Variants in SLC17A6 observed in about 807,000 individuals in gnomAD.
SLC17A6 encodes the protein solute carrier family 17 member 6.
Under a neutral mutation model 67.1 loss-of-function variants are expected in SLC17A6, and 35 were observed. The ratio of observed to expected loss-of-function variants is 0.52; its 90% CI spans 0.40 to 0.69. SLC17A6 has a LOEUF of 0.69. Ranked by LOEUF, SLC17A6 falls within the 30% of genes least tolerant of loss-of-function variation. The pLI, the probability that SLC17A6 is intolerant of heterozygous loss-of-function variation, is 0.00. For missense variants in SLC17A6, 588 were observed against 723.9 expected (o/e 0.81, Z 2.15); for synonymous variants, 285 against 252.3 (o/e 1.13, Z -1.23).
intron 7 of SLC17A6, among the ~76,000 whole-genome samples, chr11:22,368,383 A>T (rs1413720813): frequency 6.6e-6 from 1 of 152,064 alleles, no homozygotes; most frequent in Non-Finnish European, 1.5e-5. Context: ...TAAATATAGC[A>T]TATGTACAGA....
chr11:22,360,761 T>G, intron 4 of SLC17A6, 136 bp from the exon 5 acceptor site: 1 of 665,958 alleles, frequency 1.5e-6, no homozygotes, highest in Non-Finnish European at 2.5e-6. Context: ...ATATACAGTC[T>G]TTTCTTTTAC....
intron 7 of SLC17A6, among the ~76,000 whole-genome samples, chr11:22,367,101 T>C (rs1181787616): frequency 6.6e-6 from 1 of 151,974 alleles, no homozygotes; most frequent in Non-Finnish European, 1.5e-5. Flanking sequence ...GATAGTTTCC[T>C]TATGCTAAGA....
chr11:22,339,081 TA>T (rs1352132921), intron 1 of SLC17A6, among the ~76,000 whole-genome samples: 2 of 112,432 alleles, frequency 1.8e-5, no homozygotes, highest in Non-Finnish European at 3.6e-5. Flanking sequence ...ATATATGTTA[TA>T]TATATATGTT....
At chr11:22,360,222 A>G (rs1310983472) in intron 4 of SLC17A6, among the ~76,000 whole-genome samples, 2 of 152,186 alleles carry the variant, frequency 1.3e-5, no homozygotes, top group Non-Finnish European at 2.9e-5. Flanking sequence ...AAACTAATGT[A>G]GGAACAGAAA....
rs779751484 is a variant in SLC17A6, at chr11:22,377,770, G to A, written c.*30G>A. The A allele has an allele frequency of 2.0e-6, 3 of 1,495,066 alleles. No individual in the cohort carries two copies. Among genetic ancestry groups the A allele is most frequent in the Middle Eastern group, 1.8e-4 (1 of 5,554 alleles). 92.6% of individuals were successfully genotyped at this position (1,495,066 alleles called of 1,614,324 possible). On this transcript the variant is annotated 3_prime_UTR_variant, in exon 12 of 12. Coordinates refer to ENST00000263160, the MANE Select transcript of SLC17A6 (RefSeq NM_020346.3). The stretch of plus-strand genomic sequence containing the variant: ...ACTAATTACTGGATTTATTTTTAGT[G>A]TTTGTGATTAAATTCATTGTGATTG...
chr11:22,365,626 T>C lies in SLC17A6; in HGVS notation c.828T>C (p.Asp276=). ...CTGCAAAGCATCCTACTATTACAGA[T>C]GAAGAACGTAGGTACATAGAAGAAA... The part of the protein sequence containing the change: ...ESPAKHPTIT[D]EERRYIEESI... Residue 276 remains aspartate (D), a synonymous_variant, in exon 7 of 12, where the codon GAT becomes GAC. Transcript: ENST00000263160. The C allele has an allele frequency of 1.2e-6, 2 of 1,613,990 alleles. No homozygotes were observed. The highest frequency in any genetic ancestry group is 1.7e-6 in the Non-Finnish European group (2 of 1,179,888).
intron 7 of SLC17A6, among the ~76,000 whole-genome samples, chr11:22,366,332 A>C (rs1718368383): frequency 1.3e-5 from 2 of 151,976 alleles, no homozygotes; most frequent in Admixed American, 1.3e-4. Context: ...CAGAAAGTGA[A>C]ACCGCGGTTA....
chr11:22,341,413 G>A, intron 1 of SLC17A6, 115 bp from the exon 2 acceptor site: 1 of 1,440,584 alleles, frequency 6.9e-7, no homozygotes, highest in South Asian at 1.3e-5. Flanking sequence ...CCGAGGGTGG[G>A]GGGAGGTCGA....
chr11:22,351,467 T>G (rs1855937836), intron 3 of SLC17A6, among the ~76,000 whole-genome samples: 1 of 152,196 alleles, frequency 6.6e-6, no homozygotes, highest in South Asian at 2.1e-4. Context: ...GCAGGCATAC[T>G]GATACTTCTT....
chr11:22,377,892 C>T lies in SLC17A6; in HGVS notation c.*152C>T. On this transcript the variant is annotated 3_prime_UTR_variant, in exon 12 of 12. Transcript: ENST00000263160. The stretch of plus-strand genomic sequence containing the variant: ...AAAACAAAACAAACCCATGAGGTTA[C>T]CATCAAGTGCAATCTGTAAAATTGT... The T allele has an allele frequency of 1.6e-6, 1 of 606,956 alleles. No individual in the cohort carries two copies. The highest frequency in any genetic ancestry group is 2.8e-6 in the Non-Finnish European group (1 of 353,566). The allele number at this position is 606,956 out of a possible 1,614,324, so 37.6% of individuals were successfully genotyped here.
intron 3 of SLC17A6, 111 bp downstream of exon 3, chr11:22,343,476 C>A (rs144998033): frequency 7.6e-5 from 65 of 851,580 alleles, no homozygotes; most frequent in African/African-American, 7.0e-4. Flanking sequence ...GACTCCCGGG[C>A]GAAGTCTTCT....
At chr11:22,341,391 C>G (rs1337782751) in intron 1 of SLC17A6, 137 bp from the exon 2 acceptor site, 6 of 1,300,642 alleles carry the variant, frequency 4.6e-6, no homozygotes, top group Non-Finnish European at 6.3e-6. Flanking sequence ...TGTCACCCCA[C>G]CACCCTAATC....
At chr11:22,366,941 G>A (rs1227343857) in intron 7 of SLC17A6, among the ~76,000 whole-genome samples, 1 of 146,932 alleles carries the variant, frequency 6.8e-6, no homozygotes, top group Admixed American at 7.2e-5. Context: ...GGGAGGTGGA[G>A]GTTGCAGTGA....
At chr11:22,367,279 G>A (rs1856124058) in intron 7 of SLC17A6, among the ~76,000 whole-genome samples, 1 of 149,852 alleles carries the variant, frequency 6.7e-6, no homozygotes, top group African/African-American at 2.5e-5. Context: ...CTCATCATAG[G>A]TTAAAAAAAA....
chr11:22,338,679 T>C (rs956484695), intron 1 of SLC17A6, 60 bp downstream of exon 1: 1 of 1,245,536 alleles, frequency 8.0e-7, no homozygotes. Flanking sequence ...TGCAGGGCCG[T>C]TTCCGTAAAC....
At position 22,377,921 on chromosome 11, in the gene SLC17A6, G is replaced by C. The variant is rs2133881083; in HGVS notation, c.*181G>C. 1 of 553,758 alleles carries C rather than the reference G, an allele frequency of 1.8e-6. No individual in the cohort carries two copies. The highest frequency in any genetic ancestry group is 3.1e-6 in the Non-Finnish European group (1 of 318,032). The allele number at this position is 553,758 out of a possible 1,614,324, so 34.3% of individuals were successfully genotyped here. A position where few individuals can be genotyped will look rare whatever the true frequency, so the allele number is the denominator to read the frequency against. On this transcript the variant is annotated 3_prime_UTR_variant, in exon 12 of 12. Transcript: ENST00000263160. ...CAAGTGCAATCTGTAAAATTGTGAA[G>C]TTCCATCATTTCCATTCAAGTCATC...
At chr11:22,374,645 TC>T in intron 8 of SLC17A6, 109 bp from the exon 9 acceptor site, 2 of 860,314 alleles carry the variant, frequency 2.3e-6, no homozygotes, top group Non-Finnish European at 3.4e-6. Flanking sequence ...AGATTATTTT[TC>T]CTTCCTTTGT....
At position 22,375,861 on chromosome 11, in the gene SLC17A6, T is replaced by C. The variant is rs562876520; in HGVS notation, c.1175-121T>C. The stretch of plus-strand genomic sequence containing the variant: ...TGATTATTATGATTATTATTAGTTT[T>C]GAAGATAGACTCTCTGAAGTGGAAT... On this transcript the variant is annotated intron_variant, in intron 9 of 11. Transcript: ENST00000263160. 6 of 576,362 alleles carry C rather than the reference T, an allele frequency of 1.0e-5. No individual in the cohort carries two copies. The East Asian group carries it at 1.6e-4, about 15-fold the overall frequency. The allele number at this position is 576,362 out of a possible 1,614,324, so 35.7% of individuals were successfully genotyped here.
chr11:22,365,719 A>G, intron 7 of SLC17A6, 30 bp downstream of exon 7: 1 of 1,586,128 alleles, frequency 6.3e-7, no homozygotes, highest in Non-Finnish European at 8.6e-7. Flanking sequence ...GTATATTCCT[A>G]TCTTATTCCC....
Sources: gnomAD v4.1 joint callset for allele counts (sites outside exome capture counted in the v4.1 genomes callset) on GRCh38, gnomAD v4.1.1 for gene constraint, MANE v1.5 for transcripts, NCBI Gene and HGNC (gene_info 2026-07-23, HGNC 2026-07-21) for gene names.